The following MGLL variants were observed in gnomAD, a reference collection of about 807,000 sequenced individuals.
MGLL encodes the protein monoglyceride lipase.
MGLL carries 7 observed loss-of-function variants against 29.1 expected under a neutral mutation model. That is an observed-to-expected ratio of 0.24 (90% CI 0.14 to 0.45). MGLL has a LOEUF of 0.45. MGLL is among the 20% of genes least tolerant of loss of function. The probability of loss-of-function intolerance (pLI) is 0.99; values close to 1 mark genes in which losing one functional copy is unlikely to be tolerated. For missense variants in MGLL, 356 were observed against 413.6 expected, an observed-to-expected ratio of 0.86 and a Z score of 1.21; for synonymous variants, 148 against 168.3, an observed-to-expected ratio of 0.88 and a Z score of 0.93.
chr3:127,821,698 G>T lies in MGLL; in HGVS notation c.151C>A (p.Pro51Thr). The change falls in exon 2 of 8, where the codon CCC becomes ACC. Residue 51 changes from proline to threonine, a missense_variant. Transcript: ENST00000265052. ...GACTTTCTGGGGAAGACTTACTTGG[G>T]TGTGCCTGTGGGTTTCCAGTACCTG... ...FCRYWKPTGTPKALIFVSHGA... is the reference protein window; with the variant it reads ...FCRYWKPTGTTKALIFVSHGA... The T allele has an allele frequency of 6.2e-7, 1 of 1,614,150 alleles. No individual in the cohort carries two copies. Among genetic ancestry groups the T allele is most frequent in the Non-Finnish European group, 8.5e-7 (1 of 1,180,008 alleles).
At chr3:127,728,222 G>C (rs1001559380) in intron 3 of MGLL, among the ~76,000 whole-genome samples, 1 of 152,084 alleles carries the variant, frequency 6.6e-6, no homozygotes, top group Non-Finnish European at 1.5e-5. Flanking sequence ...CTCCCCGCTC[G>C]TTCCCTAGCG....
intron 2 of MGLL, among the ~76,000 whole-genome samples, chr3:127,783,345 C>T (rs1255831145): frequency 3.9e-5 from 6 of 152,154 alleles, no homozygotes; most frequent in South Asian, 4.2e-4. Context: ...CAACCCCTCC[C>T]GGGCCTTTCT....
At chr3:127,788,088 TCTC>T (rs1279664528) in intron 2 of MGLL, among the ~76,000 whole-genome samples, 4 of 152,190 alleles carry the variant, frequency 2.6e-5, no homozygotes, top group African/African-American at 7.2e-5. Context: ...GAAATAGACT[TCTC>T]CTTTGTATAA....
intron 6 of MGLL, among the ~76,000 whole-genome samples, chr3:127,701,215 C>CAAAAAA (rs60128956): frequency 1.9e-4 from 11 of 56,432 alleles, no homozygotes; most frequent in Admixed American, 4.1e-4. Flanking sequence ...ACCCTGCCTC[C>CAAAAAA]AAAAAAAAAA....
chr3:127,757,817 T>C (rs2076691171), intron 3 of MGLL, among the ~76,000 whole-genome samples: 1 of 152,184 alleles, frequency 6.6e-6, no homozygotes, highest in Non-Finnish European at 1.5e-5. Flanking sequence ...TTCAGCCACG[T>C]GTCATCGACA....
At chr3:127,722,711 G>C (rs1054491566) in intron 3 of MGLL, 145 bp from the exon 4 acceptor site, 2 of 1,171,496 alleles carry the variant, frequency 1.7e-6, no homozygotes, top group Non-Finnish European at 1.2e-6. Flanking sequence ...ACTCTTGAAC[G>C]TTGGAATTCT....
intron 3 of MGLL, among the ~76,000 whole-genome samples, chr3:127,741,122 G>A (rs2076332389): frequency 6.6e-6 from 1 of 152,260 alleles, no homozygotes; most frequent in Non-Finnish European, 1.5e-5. Flanking sequence ...CCCAAAGAGA[G>A]ACAGGACAAC....
rs147658736 is a variant in MGLL, at chr3:127,777,061, C to T, written c.262+4728G>A. Among the ~76,000 whole-genome samples the T allele has an allele frequency of 3.7e-3, 560 of 151,018 alleles. 5 individuals carry two copies. The highest frequency in any genetic ancestry group is 0.013 in the African/African-American group (514 of 40,372). On this transcript the variant is annotated intron_variant, in intron 3 of 7. Transcript: ENST00000265052. ...GGCTGCTTGCTTTCTCTGGGGAAGACGGGTCATGTTCTCATTAGGACAACA... is the reference window on the plus strand; with the variant it reads ...GGCTGCTTGCTTTCTCTGGGGAAGATGGGTCATGTTCTCATTAGGACAACA...
At chr3:127,772,285 C>G (rs2076962416) in intron 3 of MGLL, among the ~76,000 whole-genome samples, 1 of 152,198 alleles carries the variant, frequency 6.6e-6, no homozygotes, top group Non-Finnish European at 1.5e-5. Flanking sequence ...CCCCCAACCT[C>G]TAAGTGCAGA....
chr3:127,778,741 T>C (rs373351947), intron 3 of MGLL, among the ~76,000 whole-genome samples: 19 of 152,238 alleles, frequency 1.2e-4, no homozygotes, highest in African/African-American at 4.3e-4. Context: ...ATTCTCCTAA[T>C]ATTTGTTTTA....
chr3:127,717,882 G>A (rs1381312279), intron 5 of MGLL, among the ~76,000 whole-genome samples: 5 of 152,174 alleles, frequency 3.3e-5, no homozygotes, highest in African/African-American at 9.7e-5. Flanking sequence ...ACCCAGGCAC[G>A]AGCCGCGAGC....
At chr3:127,725,937 G>A (rs1016610956) in intron 3 of MGLL, among the ~76,000 whole-genome samples, 2 of 151,614 alleles carry the variant, frequency 1.3e-5, no homozygotes, top group Non-Finnish European at 2.9e-5. Flanking sequence ...CTGGACATTG[G>A]TGGCGTGGTG....
chr3:127,716,797 G>GGAC (rs1019779296), intron 5 of MGLL, among the ~76,000 whole-genome samples: 50 of 152,324 alleles, frequency 3.3e-4, no homozygotes, highest in African/African-American at 1.1e-3. Flanking sequence ...ACCTTCCGTG[G>GGAC]GACAGCACTA....
chr3:127,817,185 A>G (rs990770496), intron 2 of MGLL, among the ~76,000 whole-genome samples: 3 of 152,254 alleles, frequency 2.0e-5, no homozygotes, highest in African/African-American at 4.8e-5. Flanking sequence ...GAAGGTCTCC[A>G]TAAATGCAGG....
intron 3 of MGLL, among the ~76,000 whole-genome samples, chr3:127,773,385 C>T (rs1306317383): frequency 1.3e-5 from 2 of 152,250 alleles, no homozygotes; most frequent in Non-Finnish European, 2.9e-5. Flanking sequence ...AGGGAGACAA[C>T]AGTCTCACCT....
chr3:127,695,146 C>T lies in MGLL; in HGVS notation c.645G>A (p.Leu215=), dbSNP rs1659673023. 1 of 1,614,186 alleles carries T rather than the reference C, an allele frequency of 6.2e-7. No individual in the cohort carries two copies. The highest frequency in any genetic ancestry group is 8.5e-7 in the Non-Finnish European group (1 of 1,180,042). Residue 215 remains leucine, a synonymous_variant, in exon 7 of 8, where the codon CTG becomes CTA. Coordinates refer to ENST00000265052, the MANE Select transcript of MGLL (RefSeq NM_007283.7). ...NSDPLICRAG[L]KVCFGIQLLN... The stretch of plus-strand genomic sequence containing the variant: ...GCAGTTGGATGCCGAAGCACACCTT[C>T]AGCCCTGCCCGGCAGATCAGGGGGT...
intron 3 of MGLL, among the ~76,000 whole-genome samples, chr3:127,770,704 G>T (rs140446784): frequency 6.6e-6 from 1 of 152,204 alleles, no homozygotes; most frequent in African/African-American, 2.4e-5. Context: ...AGGGCTGTAC[G>T]GAGCAAAACC....
At chr3:127,766,002 C>T (rs919472454) in intron 3 of MGLL, among the ~76,000 whole-genome samples, 1 of 152,180 alleles carries the variant, frequency 6.6e-6, no homozygotes, top group Non-Finnish European at 1.5e-5. Flanking sequence ...TTCATTTAAT[C>T]TTCGCCAGGT....
chr3:127,777,881 G>A (rs2077062099), intron 3 of MGLL, among the ~76,000 whole-genome samples: 1 of 152,254 alleles, frequency 6.6e-6, no homozygotes, highest in Non-Finnish European at 1.5e-5. Flanking sequence ...AGCCTGGCAT[G>A]CAGTTGACAC....
Sources: gnomAD v4.1 joint callset for allele counts (sites outside exome capture counted in the v4.1 genomes callset) on GRCh38, gnomAD v4.1.1 for gene constraint, MANE v1.5 for transcripts, NCBI Gene and HGNC (gene_info 2026-07-23, HGNC 2026-07-21) for gene names.